Variants in NFE2L3 observed in about 807,000 individuals in gnomAD.
NFE2L3 encodes the protein nuclear factor erythroid 2-related factor 3.
Under a neutral mutation model 23.5 loss-of-function variants are expected in NFE2L3, and 18 were observed. The observed-to-expected ratio is 0.77, with a 90% CI of 0.53 to 1.13. NFE2L3 has a LOEUF of 1.13. NFE2L3 is among the 50% of genes most tolerant of loss of function. The pLI, the probability that NFE2L3 is intolerant of heterozygous loss-of-function variation, is 0.00. For synonymous variants in NFE2L3, 424 were observed against 354.5 expected (o/e 1.20, Z -2.20); for missense variants, 1,152 against 877.2 (o/e 1.31, Z -3.96).
At chr7:26,158,114 T>C (rs1477378812) in intron 1 of NFE2L3, among the ~76,000 whole-genome samples, 1 of 152,166 alleles carries the variant, frequency 6.6e-6, no homozygotes, top group African/African-American at 2.4e-5. Context: ...AATGGCGCAA[T>C]CTCGGCTCAC....
intron 1 of NFE2L3, among the ~76,000 whole-genome samples, chr7:26,167,936 A>T (rs1583930531): frequency 1.3e-5 from 2 of 152,122 alleles, no homozygotes; most frequent in East Asian, 3.8e-4. Context: ...TAATTTTTTA[A>T]TTATTTTTAA....
intron 1 of NFE2L3, among the ~76,000 whole-genome samples, chr7:26,168,989 C>T (rs1583931153): frequency 6.6e-6 from 1 of 152,158 alleles, no homozygotes; most frequent in Non-Finnish European, 1.5e-5. Flanking sequence ...GGTCTTTTTA[C>T]TCAGCTGTTT....
intron 1 of NFE2L3, among the ~76,000 whole-genome samples, chr7:26,170,529 C>G (rs919774962): frequency 1.3e-5 from 2 of 152,110 alleles, no homozygotes; most frequent in African/African-American, 4.8e-5. Flanking sequence ...TGCTCACATA[C>G]CAGATGGCAG....
chr7:26,185,616 G>A lies in NFE2L3; in HGVS notation c.1918G>A (p.Asp640Asn). 6.2e-7 allele frequency: 1 copy of A among 1,613,836 alleles called. No individual in the cohort carries two copies. Among genetic ancestry groups the A allele is most frequent in the Non-Finnish European group, 8.5e-7 (1 of 1,179,824 alleles). Residue 640 changes from aspartate to asparagine, a missense_variant, in exon 4 of 4, where the codon GAC (aspartate) becomes AAC (asparagine). Coordinates refer to ENST00000056233, the MANE Select transcript of NFE2L3 (RefSeq NM_004289.7). The part of the protein sequence containing the change: ...AINIMKQKLH[D>N]LYHDIFSRLR... Reference sequence around the variant, plus strand: ...TAACATAATGAAACAGAAACTGCATGACCTTTATCATGATATTTTTAGTAG... The same window carrying A: ...TAACATAATGAAACAGAAACTGCATAACCTTTATCATGATATTTTTAGTAG...
intron 2 of NFE2L3, among the ~76,000 whole-genome samples, chr7:26,182,853 G>C (rs1324337750): frequency 6.6e-6 from 1 of 152,172 alleles, no homozygotes; most frequent in East Asian, 1.9e-4. Flanking sequence ...GAGTGTGGCA[G>C]CGCTGTCACG....
chr7:26,177,791 C>G (rs2128099543), intron 1 of NFE2L3, 152 bp from the exon 2 acceptor site: 1 of 677,646 alleles, frequency 1.5e-6, no homozygotes, highest in East Asian at 2.7e-5. Flanking sequence ...TAAAACTGAC[C>G]TTTGTTTCTG....
rs1438192283 is a variant in NFE2L3 at position 26,161,354 on chromosome 7, TTTTTTTTTTTG to T, written c.570+8287_570+8297del. On this transcript the variant is annotated intron_variant, in intron 1 of 3. Coordinates refer to ENST00000056233, the MANE Select transcript of NFE2L3 (RefSeq NM_004289.7). ...CTCTCTCTTTTTTTTTTTTTTTTTT[TTTTTTTTTTTG>T]GGTCTTACCTTTCTTTAGAGTTTCT... 1.1e-3 allele frequency among the ~76,000 whole-genome samples: 119 copies of T among 103,928 alleles called. 1 individual carries two copies. The highest frequency in any genetic ancestry group is 5.2e-3 in the African/African-American group (114 of 22,110). 68.2% of individuals were successfully genotyped at this position (103,928 alleles called of 152,430 possible). A position where few individuals can be genotyped will look rare whatever the true frequency, so the allele number is the denominator to read the frequency against.
intron 1 of NFE2L3, among the ~76,000 whole-genome samples, chr7:26,161,563 G>A (rs1057101882): frequency 4.0e-5 from 6 of 151,780 alleles, no homozygotes; most frequent in Non-Finnish European, 7.4e-5. Flanking sequence ...CTGCCTTGAC[G>A]CTCCTCCCCC....
chr7:26,185,386 A>G lies in NFE2L3; in HGVS notation c.1688A>G (p.Asn563Ser), dbSNP rs145954023. ...GTCGGCATGCCTGTTGATTCTTTCA[A>G]TAGCATGTTAAGTAGATATTATCTG... is the stretch of plus-strand genomic sequence containing the variant. ...EIVGMPVDSFNSMLSRYYLTD... is the reference protein window; with the variant it reads ...EIVGMPVDSFSSMLSRYYLTD... Residue 563 changes from asparagine (N) to serine (S), a missense_variant, in exon 4 of 4, where the codon AAT (asparagine) becomes AGT (serine). By Grantham distance (46) the Asn-to-Ser change is conservative. Coordinates refer to ENST00000056233, the MANE Select transcript of NFE2L3 (RefSeq NM_004289.7). 26 of 1,614,014 alleles carry G rather than the reference A, an allele frequency of 1.6e-5. No individual in the cohort carries two copies. The highest frequency in any genetic ancestry group is 2.2e-5 in the East Asian group (1 of 44,898).
chr7:26,158,020 C>T (rs1300532318), intron 1 of NFE2L3, among the ~76,000 whole-genome samples: 1 of 150,584 alleles, frequency 6.6e-6, no homozygotes, highest in Non-Finnish European at 1.5e-5. Flanking sequence ...CCAAATTTCC[C>T]TTTTTTGTTG....
intron 1 of NFE2L3, among the ~76,000 whole-genome samples, chr7:26,160,843 C>T (rs867937513): frequency 3.9e-5 from 6 of 152,342 alleles, no homozygotes; most frequent in South Asian, 2.1e-4. Flanking sequence ...CTGACCATCA[C>T]GCCATCCAGC....
rs1275494120 is a variant in NFE2L3 at position 26,176,826 on chromosome 7, C to T, written c.571-1117C>T. ...CCCAGACGGGGTGGCCAGGCAGAGG[C>T]GCTCCTCACTTCCCAGACGATGGGT... On this transcript the variant is annotated intron_variant, in intron 1 of 3. Coordinates refer to ENST00000056233, the MANE Select transcript of NFE2L3 (RefSeq NM_004289.7). Among the ~76,000 whole-genome samples, 11 of 117,634 alleles carry T rather than the reference C, an allele frequency of 9.4e-5. 1 individual carries two copies. Among genetic ancestry groups the T allele is most frequent in the African/African-American group, 1.3e-4 (4 of 31,624 alleles). The allele number at this position is 117,634 out of a possible 152,430, so 77.2% of individuals were successfully genotyped here.
At chr7:26,153,410 G>A (rs1189637947) in intron 1 of NFE2L3, among the ~76,000 whole-genome samples, 1 of 152,184 alleles carries the variant, frequency 6.6e-6, no homozygotes, top group Non-Finnish European at 1.5e-5. Flanking sequence ...ACACTGGGGT[G>A]TCGTTCTCTG....
intron 3 of NFE2L3, 149 bp downstream of exon 3, chr7:26,183,933 T>C: frequency 1.7e-6 from 1 of 587,400 alleles, no homozygotes; most frequent in Non-Finnish European, 3.0e-6. Flanking sequence ...TAACCAAATA[T>C]GTATAGCATT....
intron 1 of NFE2L3, among the ~76,000 whole-genome samples, chr7:26,176,600 C>T (rs1195410289): frequency 9.9e-6 from 1 of 101,228 alleles, no homozygotes; most frequent in Non-Finnish European, 2.1e-5. Context: ...CAGGCAGAGG[C>T]GCTCCTCACA....
rs1782505346 is a variant in NFE2L3, at chr7:26,187,048, C to T, written c.*1265C>T. On this transcript the variant is annotated 3_prime_UTR_variant, in exon 4 of 4. Transcript: ENST00000056233. ...ATAGGAGCTACAGTGTAGAGTATCA[C>T]ATAAGTATCTTGGGCTAGAGAAATG... The T allele has an allele frequency of 6.6e-6, 1 of 152,148 alleles. No homozygotes were observed. Among genetic ancestry groups the T allele is most frequent in the Admixed American group, 6.5e-5 (1 of 15,284 alleles). 9.4% of individuals were successfully genotyped at this position (152,148 alleles called of 1,614,324 possible).
At position 26,185,519 on chromosome 7, in the gene NFE2L3, A is replaced by T. The variant is rs138448739; in HGVS notation, c.1821A>T (p.Glu607Asp). Residue 607 changes from glutamate (E) to aspartate (D), a missense_variant, in exon 4 of 4, where the codon GAA becomes GAT. Coordinates refer to ENST00000056233, the MANE Select transcript of NFE2L3 (RefSeq NM_004289.7). ...AATTGGACATAATTTTGAATTTAGA[A>T]GATGATGTATGTAACTTGCAAGCAA... ...KRKLDIILNL[E>D]DDVCNLQAKK... 4.0e-5 allele frequency: 65 copies of T among 1,613,948 alleles called. No individual in the cohort carries two copies. Among genetic ancestry groups the T allele is most frequent in the East Asian group, 2.9e-4 (13 of 44,884 alleles).
Position 26,152,359 on chromosome 7 carries a change from A to C in NFE2L3, c.-140A>C. 9 of 488,400 alleles carry C rather than the reference A, an allele frequency of 1.8e-5. No homozygotes were observed. Among genetic ancestry groups the C allele is most frequent in the South Asian group, 1.0e-4 (1 of 10,030 alleles). 30.3% of individuals were successfully genotyped at this position (488,400 alleles called of 1,614,324 possible). ...GTGCTGGGAACCCGCGACGGCCGCCACGCGCCCCGGTCCATTGTTTCGCTT... is the reference window on the plus strand; with the variant it reads ...GTGCTGGGAACCCGCGACGGCCGCCCCGCGCCCCGGTCCATTGTTTCGCTT... On this transcript the variant is annotated 5_prime_UTR_variant, in exon 1 of 4. Transcript: ENST00000056233. This position sits in a 1 kb window ranked among gnomAD's most constrained non-coding sequence, Gnocchi z 4.4.
In NFE2L3 at chr7:26,185,491, G is replaced by A. The variant is rs757558336; in HGVS notation, c.1793G>A (p.Arg598His). Residue 598 changes from arginine (R) to histidine (H), a missense_variant, in exon 4 of 4, where the codon CGC becomes CAC. Physicochemically the swap from Arg to His is conservative, Grantham distance 29. Transcript: ENST00000056233. Reference sequence around the variant, plus strand: ...GTTGCTGCGCAGAACTGTCGTAAACGCAAATTGGACATAATTTTGAATTTA... The same window carrying A: ...GTTGCTGCGCAGAACTGTCGTAAACACAAATTGGACATAATTTTGAATTTA... ...NKVAAQNCRK[R>H]KLDIILNLED... The A allele has an allele frequency of 1.9e-5, 31 of 1,613,834 alleles. No individual in the cohort carries two copies. The highest frequency in any genetic ancestry group is 3.3e-5 in the Admixed American group (2 of 59,998).
Sources: gnomAD v4.1 joint callset for allele counts (sites outside exome capture counted in the v4.1 genomes callset) on GRCh38, gnomAD v4.1.1 for gene constraint, Gnocchi (gnomAD v3.1) non-coding constraint, MANE v1.5 for transcripts, NCBI Gene and HGNC (gene_info 2026-07-23, HGNC 2026-07-21) for gene names.